The following IGF2BP2 variants were observed in gnomAD, a reference collection of about 807,000 sequenced individuals.
IGF2BP2 encodes insulin-like growth factor 2 mRNA-binding protein 2.
IGF2BP2 carries 17 observed loss-of-function variants against 75.8 expected under a neutral mutation model. That is an observed-to-expected ratio of 0.22 (90% CI 0.15 to 0.34). The LOEUF (loss-of-function observed/expected upper bound fraction) is 0.34. Among genes scored for constraint, IGF2BP2 ranks in the 10% least tolerant of loss-of-function variants. IGF2BP2 has a pLI of 1.00. For missense variants in IGF2BP2, 516 were observed against 772.4 expected (o/e 0.67, Z 3.93); for synonymous variants, 288 against 295.6 (o/e 0.97, Z 0.26).
chr3:185,655,908 GGC>G (rs893011154), intron 12 of IGF2BP2, among the ~76,000 whole-genome samples: 3 of 152,242 alleles, frequency 2.0e-5, no homozygotes, highest in African/African-American at 7.2e-5. Flanking sequence ...TAAATGAAGA[GGC>G]GCTGTAGTGG....
chr3:185,698,376 A>G (rs1040461028), intron 2 of IGF2BP2, 29 bp from the exon 3 acceptor site: 2 of 1,603,738 alleles, frequency 1.2e-6, no homozygotes, highest in African/African-American at 2.7e-5. Flanking sequence ...AGACTATAAC[A>G]CTTTCTCCAG....
chr3:185,764,651 C>G (rs998300582), intron 2 of IGF2BP2, among the ~76,000 whole-genome samples: 2 of 152,126 alleles, frequency 1.3e-5, no homozygotes, highest in Admixed American at 6.5e-5. Context: ...CACCATGATT[C>G]CCAGTGGGGA....
In IGF2BP2 at chr3:185,793,709, A is replaced by G. The variant is rs73885771; in HGVS notation, c.239+29444T>C. Reference sequence around the variant, plus strand: ...CAGTTACGGCCCATCCTGAGGCAGTAAGAAACTGATTTCTTCTGATAACAC... The same window carrying G: ...CAGTTACGGCCCATCCTGAGGCAGTGAGAAACTGATTTCTTCTGATAACAC... On this transcript the variant is annotated intron_variant, in intron 2 of 15. Transcript: ENST00000382199. Among the ~76,000 whole-genome samples, 523 of 152,310 alleles carry G rather than the reference A, an allele frequency of 3.4e-3. 2 individuals carry two copies. The highest frequency in any genetic ancestry group is 0.012 in the African/African-American group (504 of 41,574).
chr3:185,745,041 C>A (rs777506306), intron 2 of IGF2BP2, among the ~76,000 whole-genome samples: 1 of 152,162 alleles, frequency 6.6e-6, no homozygotes, highest in Non-Finnish European at 1.5e-5. Context: ...TGGAGGCATG[C>A]CCTTGCTGCT....
intron 2 of IGF2BP2, among the ~76,000 whole-genome samples, chr3:185,815,877 A>AT (rs559375003): frequency 2.0e-5 from 3 of 152,134 alleles, no homozygotes; most frequent in Non-Finnish European, 2.9e-5. Context: ...TATTTAGCAT[A>AT]TTTTTTTGTG....
intron 2 of IGF2BP2, among the ~76,000 whole-genome samples, chr3:185,800,599 T>C (rs1738079084): frequency 6.6e-6 from 1 of 151,926 alleles, no homozygotes; most frequent in Admixed American, 6.6e-5. Flanking sequence ...TGGCCAGGCA[T>C]AGTGGCACAT....
chr3:185,698,542 C>T (rs1049718407), intron 2 of IGF2BP2, among the ~76,000 whole-genome samples, 195 bp from the exon 3 acceptor site: 3 of 152,142 alleles, frequency 2.0e-5, no homozygotes, highest in Non-Finnish European at 4.4e-5. Context: ...CTCGCTCTGT[C>T]GCCAAGGCTG....
intron 2 of IGF2BP2, among the ~76,000 whole-genome samples, chr3:185,780,376 A>G (rs1446305289): frequency 1.3e-5 from 2 of 152,298 alleles, no homozygotes; most frequent in Non-Finnish European, 1.5e-5. Context: ...ATATTTTTCA[A>G]GTAGCTATAT....
At position 185,668,169 on chromosome 3, in the gene IGF2BP2, C is replaced by T. The variant is rs558471576; in HGVS notation, c.1200+4372G>A. ...AAAAAACTTGGAATCAACCCAAATG[C>T]GTAAAACTAGTGTGCTGGTTACAAA... On this transcript the variant is annotated intron_variant, in intron 10 of 15. Coordinates refer to ENST00000382199, the MANE Select transcript of IGF2BP2 (RefSeq NM_006548.6). Among the ~76,000 whole-genome samples, 9 of 152,112 alleles carry T rather than the reference C, an allele frequency of 5.9e-5. No homozygotes were observed. In the South Asian group the frequency reaches 6.2e-4, roughly 11 times the overall value.
chr3:185,698,475 A>T (rs1326476645), intron 2 of IGF2BP2, 128 bp from the exon 3 acceptor site: 2 of 786,924 alleles, frequency 2.5e-6, no homozygotes, highest in East Asian at 5.2e-5. Context: ...ATCAACAAAA[A>T]ATTCCTACTG....
chr3:185,649,307 G>C, intron 14 of IGF2BP2, 96 bp downstream of exon 14: 1 of 1,486,078 alleles, frequency 6.7e-7, no homozygotes, highest in Non-Finnish European at 9.2e-7. Context: ...ACTGTACATT[G>C]GGACAGAAGG....
chr3:185,795,584 T>C (rs1343534216), intron 2 of IGF2BP2, among the ~76,000 whole-genome samples: 1 of 152,198 alleles, frequency 6.6e-6, no homozygotes, highest in Admixed American at 6.5e-5. Flanking sequence ...GGTTGGTGAA[T>C]TCTTTAAGAA....
At chr3:185,794,542 C>A (rs1271386415) in intron 2 of IGF2BP2, among the ~76,000 whole-genome samples, 1 of 152,080 alleles carries the variant, frequency 6.6e-6, no homozygotes, top group Non-Finnish European at 1.5e-5. Flanking sequence ...TAGACTTTAC[C>A]ATCTCATTCA....
intron 2 of IGF2BP2, among the ~76,000 whole-genome samples, chr3:185,814,986 C>T (rs577964678): frequency 1.2e-4 from 18 of 152,088 alleles, no homozygotes; most frequent in Admixed American, 1.0e-3. Flanking sequence ...TGAAAGCATG[C>T]CAATCTTTGT....
chr3:185,689,695 G>T, intron 5 of IGF2BP2, 68 bp from the exon 6 acceptor site: 1 of 1,595,280 alleles, frequency 6.3e-7, no homozygotes, highest in Non-Finnish European at 8.6e-7. Flanking sequence ...CCGGCCGGGC[G>T]CGGTGGCTCA....
rs544642204 is a variant in IGF2BP2, at chr3:185,706,256, GC to G, written c.240-7910del. 4.5e-3 allele frequency among the ~76,000 whole-genome samples: 690 copies of G among 152,252 alleles called. 1 individual carries two copies. Among genetic ancestry groups the G allele is most frequent in the Non-Finnish European group, 7.4e-3 (504 of 68,022 alleles). On this transcript the variant is annotated intron_variant, in intron 2 of 15. Transcript: ENST00000382199. ...AATACTATTCATTTTTTAATTATTA[GC>G]CAGGTGTGGTAGCACATGCCTGTAG...
intron 2 of IGF2BP2, among the ~76,000 whole-genome samples, chr3:185,764,345 T>C (rs988458426): frequency 2.0e-5 from 3 of 152,170 alleles, no homozygotes; most frequent in Admixed American, 6.5e-5. Flanking sequence ...GGCTGGGTTA[T>C]GAGATGTCCG....
chr3:185,652,637 A>G (rs957788559), intron 12 of IGF2BP2, among the ~76,000 whole-genome samples: 1 of 152,226 alleles, frequency 6.6e-6, no homozygotes, highest in Non-Finnish European at 1.5e-5. Context: ...AAGGGTAGTC[A>G]GCTGGAAGTG....
At chr3:185,748,299 T>C (rs1047705628) in intron 2 of IGF2BP2, among the ~76,000 whole-genome samples, 2 of 152,208 alleles carry the variant, frequency 1.3e-5, no homozygotes, top group Non-Finnish European at 2.9e-5. Flanking sequence ...GATACACTAC[T>C]AGGTATGCGA....
Sources: allele counts gnomAD v4.1 joint callset (sites outside exome capture counted in the v4.1 genomes callset), GRCh38; gene constraint gnomAD v4.1.1; transcripts MANE v1.5; gene names NCBI Gene and HGNC (gene_info 2026-07-23, HGNC 2026-07-21).